MYL1: variants seen among roughly 807,000 people sequenced by gnomAD.
MYL1 encodes myosin light chain 1.
A neutral mutation model predicts 21.8 loss-of-function variants in MYL1; 16 were observed. The ratio of observed to expected loss-of-function variants is 0.74; its 90% CI spans 0.50 to 1.12. The LOEUF (loss-of-function observed/expected upper bound fraction) is 1.12. Among genes scored for constraint, MYL1 ranks in the 50% most tolerant of loss-of-function variants. The pLI is 0.00. For synonymous variants in MYL1, 99 were observed against 85.2 expected (o/e 1.16, Z -0.89); for missense variants, 246 against 241.0 (o/e 1.02, Z -0.14).
Position 210,298,499 on chromosome 2 carries a change from G to A in MYL1, c.225C>T (p.Val75=), listed in dbSNP as rs774952508. ...TGCCCAGAGCTCGAAGGACATCACCGACCTGGCTTAAGGTGATCTTGGAAT... is the reference window on the plus strand; with the variant it reads ...TGCCCAGAGCTCGAAGGACATCACCAACCTGGCTTAAGGTGATCTTGGAAT... ...TGDSKITLSQ[V]GDVLRALGTN... is the part of the protein sequence containing the mutation. The change falls in exon 3 of 7, where the codon GTC becomes GTT. Residue 75 remains valine (V), a synonymous_variant. Transcript: ENST00000352451. 4 of 1,614,016 alleles carry A rather than the reference G, an allele frequency of 2.5e-6. No individual in the cohort carries two copies. The highest frequency in any genetic ancestry group is 2.2e-5 in the South Asian group (2 of 91,072).
At chr2:210,301,315 A>C (rs1276565841) in intron 2 of MYL1, among the ~76,000 whole-genome samples, 1 of 152,130 alleles carries the variant, frequency 6.6e-6, no homozygotes, top group Non-Finnish European at 1.5e-5. Context: ...TAATCTGTCT[A>C]CATGAGGCCA....
chr2:210,296,030 C>A (rs187593491), intron 3 of MYL1, among the ~76,000 whole-genome samples: 4 of 152,180 alleles, frequency 2.6e-5, no homozygotes, highest in African/African-American at 9.6e-5. Flanking sequence ...GAATTTTCAA[C>A]TGTCAAGGGA....
chr2:210,299,491 C>T (rs750795698), intron 2 of MYL1, among the ~76,000 whole-genome samples: 4 of 152,090 alleles, frequency 2.6e-5, no homozygotes, highest in Non-Finnish European at 4.4e-5. Context: ...ATTGTGTGTA[C>T]GTGTATGTAT....
chr2:210,293,861 T>A, intron 4 of MYL1, 61 bp from the exon 5 acceptor site: 1 of 1,466,182 alleles, frequency 6.8e-7, no homozygotes, highest in Non-Finnish European at 9.6e-7. Context: ...AAATCCACCA[T>A]AGGTCATCAG....
intron 2 of MYL1, among the ~76,000 whole-genome samples, chr2:210,299,643 A>C (rs1690233746): frequency 1.3e-5 from 2 of 152,172 alleles, no homozygotes; most frequent in Admixed American, 1.3e-4. Context: ...TCAAAATTAT[A>C]GTGACAAAAA....
At chr2:210,313,526 A>G (rs1690447021) in intron 1 of MYL1, among the ~76,000 whole-genome samples, 2 of 152,032 alleles carry the variant, frequency 1.3e-5, no homozygotes, top group Non-Finnish European at 2.9e-5. Flanking sequence ...TTAGAAAAAC[A>G]TTTATCAGAA....
At chr2:210,290,853 G>A (rs541116732) in intron 6 of MYL1, among the ~76,000 whole-genome samples, 179 bp downstream of exon 6, 15 of 151,974 alleles carry the variant, frequency 9.9e-5, no homozygotes, top group South Asian at 6.2e-4. Flanking sequence ...CTTATATCTC[G>A]TACAAAAATG....
chr2:210,306,897 T>C (rs1361231877), intron 1 of MYL1, among the ~76,000 whole-genome samples: 1 of 151,880 alleles, frequency 6.6e-6, no homozygotes, highest in African/African-American at 2.4e-5. Flanking sequence ...CATGATGGGG[T>C]AATCAGTCCT....
intron 1 of MYL1, chr2:210,302,978 G>T: frequency 1.7e-6 from 1 of 597,306 alleles, no homozygotes; most frequent in Non-Finnish European, 3.0e-6. Context: ...GATAATTAGG[G>T]AATATCTTTC....
chr2:210,293,935 C>CT (rs1328086974), intron 4 of MYL1, 135 bp from the exon 5 acceptor site: 1 of 769,542 alleles, frequency 1.3e-6, no homozygotes, highest in Non-Finnish European at 2.2e-6. Context: ...TCTTTTGGTA[C>CT]TTAATATATT....
chr2:210,306,985 A>G (rs1400474543), intron 1 of MYL1, among the ~76,000 whole-genome samples: 1 of 152,156 alleles, frequency 6.6e-6, no homozygotes, highest in African/African-American at 2.4e-5. Context: ...TATGTCATCA[A>G]TTAGTTTTAA....
chr2:210,294,772 G>C (rs1056609414), intron 3 of MYL1, among the ~76,000 whole-genome samples: 1 of 152,074 alleles, frequency 6.6e-6, no homozygotes, highest in Admixed American at 6.6e-5. Flanking sequence ...TATAAACTGA[G>C]TGCTTAATAA....
chr2:210,300,838 C>T (rs924843675), intron 2 of MYL1, among the ~76,000 whole-genome samples: 2 of 151,972 alleles, frequency 1.3e-5, no homozygotes, highest in African/African-American at 4.8e-5. Context: ...TGATAGATTC[C>T]AATAGAGCAG....
intron 5 of MYL1, 69 bp from the exon 6 acceptor site, chr2:210,291,143 G>T: frequency 8.1e-7 from 1 of 1,228,962 alleles, no homozygotes; most frequent in Non-Finnish European, 1.2e-6. Context: ...TAAAAGAGAG[G>T]TTTAATGAGT....
intron 2 of MYL1, among the ~76,000 whole-genome samples, chr2:210,301,595 T>A (rs1368635753): frequency 3.9e-5 from 6 of 152,096 alleles, no homozygotes; most frequent in Non-Finnish European, 8.8e-5. Flanking sequence ...TTTTTTCTCC[T>A]CCTTCCATCT....
intron 1 of MYL1, among the ~76,000 whole-genome samples, chr2:210,310,072 A>G (rs1274867623): frequency 6.6e-6 from 1 of 152,108 alleles, no homozygotes; most frequent in Non-Finnish European, 1.5e-5. Flanking sequence ...GATAGTGTCA[A>G]GTAATTTCTG....
intron 1 of MYL1, among the ~76,000 whole-genome samples, chr2:210,306,968 A>G (rs749973202): frequency 6.6e-6 from 1 of 152,134 alleles, no homozygotes; most frequent in Non-Finnish European, 1.5e-5. Flanking sequence ...TTTTGGCTTC[A>G]GTTCTCTATG....
At chr2:210,298,299 C>G in intron 3 of MYL1, 121 bp downstream of exon 3, 1 of 1,113,650 alleles carries the variant, frequency 9.0e-7, no homozygotes, top group Non-Finnish European at 1.3e-6. Context: ...ATCAATCTTT[C>G]TCTCTCTCAC....
chr2:210,305,760 G>T (rs1316506613), intron 1 of MYL1, among the ~76,000 whole-genome samples: 1 of 152,088 alleles, frequency 6.6e-6, no homozygotes, highest in Non-Finnish European at 1.5e-5. Context: ...TGGAAAGTAA[G>T]TTTAAAAGTT....
Sources: allele counts gnomAD v4.1 joint callset (sites outside exome capture counted in the v4.1 genomes callset), GRCh38; gene constraint gnomAD v4.1.1; transcripts MANE v1.5; gene names NCBI Gene and HGNC (gene_info 2026-07-23, HGNC 2026-07-21).